GPR176: variants seen among roughly 807,000 people sequenced by gnomAD.
GPR176 encodes G-protein coupled receptor 176.
GPR176 carries 26 observed loss-of-function variants against 35.4 expected under a neutral mutation model. That is an observed-to-expected ratio of 0.74 (90% CI 0.54 to 1.02). GPR176 has a LOEUF of 1.02. Among genes scored for constraint, GPR176 ranks in the 50% least tolerant of loss-of-function variants. GPR176 has a pLI of 0.00. For missense variants in GPR176, 597 were observed against 665.3 expected, an observed-to-expected ratio of 0.90 and a Z score of 1.13; for synonymous variants, 278 against 271.3, an observed-to-expected ratio of 1.02 and a Z score of -0.24.
At chr15:39,802,327 G>T in intron 2 of GPR176, 73 bp from the exon 3 acceptor site, 1 of 1,160,732 alleles carries the variant, frequency 8.6e-7, no homozygotes, top group Non-Finnish European at 1.2e-6. Flanking sequence ...ATCACCAAAA[G>T]TAGATGAGAG....
At chr15:39,893,095 CT>C (rs78705672) in intron 1 of GPR176, among the ~76,000 whole-genome samples, 23,047 of 150,264 alleles carry the variant, frequency 0.15, 1,936 homozygotes, top group Middle Eastern at 0.32. Flanking sequence ...CTCTAACTCT[CT>C]TTTTTTTTTA....
At chr15:39,813,806 C>T (rs1057500707) in intron 1 of GPR176, among the ~76,000 whole-genome samples, 1 of 152,020 alleles carries the variant, frequency 6.6e-6, no homozygotes, top group African/African-American at 2.4e-5. Context: ...TAAACTGTTT[C>T]CAATATTTCA....
intron 1 of GPR176, among the ~76,000 whole-genome samples, chr15:39,840,238 T>A (rs1006451965): frequency 1.3e-5 from 2 of 152,094 alleles, no homozygotes; most frequent in Non-Finnish European, 2.9e-5. Flanking sequence ...AACCCAAATG[T>A]CCATCAATGA....
intron 1 of GPR176, among the ~76,000 whole-genome samples, chr15:39,861,155 G>A (rs1005015693): frequency 6.6e-6 from 1 of 152,116 alleles, no homozygotes; most frequent in Non-Finnish European, 1.5e-5. Flanking sequence ...CAATATGACA[G>A]CTAGCAAAGT....
At chr15:39,851,101 G>A (rs1235082245) in intron 1 of GPR176, among the ~76,000 whole-genome samples, 3 of 152,156 alleles carry the variant, frequency 2.0e-5, no homozygotes, top group Non-Finnish European at 4.4e-5. Context: ...GACAGATAAT[G>A]CCATCATTTA....
intron 1 of GPR176, among the ~76,000 whole-genome samples, chr15:39,897,334 A>G (rs2033143102): frequency 6.6e-6 from 1 of 152,244 alleles, no homozygotes; most frequent in Admixed American, 6.5e-5. Flanking sequence ...TGTTCCTGAA[A>G]GCAAGGGCAT....
At chr15:39,891,278 T>G (rs575850597) in intron 1 of GPR176, among the ~76,000 whole-genome samples, 12 of 152,322 alleles carry the variant, frequency 7.9e-5, no homozygotes, top group Admixed American at 7.8e-4. Context: ...AAAATCAAAG[T>G]ATATGATTCT....
intron 1 of GPR176, among the ~76,000 whole-genome samples, chr15:39,883,245 G>GT (rs2032547817): frequency 6.6e-6 from 1 of 151,570 alleles, no homozygotes; most frequent in African/African-American, 2.4e-5. Flanking sequence ...TTCTATTTTG[G>GT]TAAAATAATG....
intron 1 of GPR176, among the ~76,000 whole-genome samples, chr15:39,839,630 G>C (rs1901621171): frequency 6.6e-6 from 1 of 152,096 alleles, no homozygotes; most frequent in Non-Finnish European, 1.5e-5. Flanking sequence ...TGACAAATGG[G>C]ATCTAATTAA....
intron 1 of GPR176, among the ~76,000 whole-genome samples, chr15:39,902,916 A>C (rs1487777416): frequency 6.6e-6 from 1 of 152,204 alleles, no homozygotes. Flanking sequence ...GTCACTCCTA[A>C]TACAAGGCAC....
chr15:39,908,499 T>C (rs1480796026), intron 1 of GPR176, among the ~76,000 whole-genome samples: 1 of 152,220 alleles, frequency 6.6e-6, no homozygotes, highest in Non-Finnish European at 1.5e-5. Context: ...GTCAGGATAT[T>C]TGTGTGACAG....
chr15:39,878,094 A>C (rs2032320762), intron 1 of GPR176, among the ~76,000 whole-genome samples: 1 of 45,788 alleles, frequency 2.2e-5, no homozygotes, highest in Non-Finnish European at 6.3e-5. Context: ...TCCCATAGTT[A>C]CCTGTGTGTG....
intron 1 of GPR176, chr15:39,909,836 G>A (rs2033530429): frequency 4.9e-6 from 4 of 811,734 alleles, no homozygotes; most frequent in Non-Finnish European, 6.0e-6. Flanking sequence ...CATAATAACT[G>A]TAAATTTGGT....
chr15:39,878,867 G>A (rs1245542201), intron 1 of GPR176, among the ~76,000 whole-genome samples: 1 of 152,252 alleles, frequency 6.6e-6, no homozygotes, highest in Non-Finnish European at 1.5e-5. Context: ...GACAGTCAGG[G>A]AGGGGTGGCT....
chr15:39,837,737 T>A (rs1901490226), intron 1 of GPR176, among the ~76,000 whole-genome samples: 1 of 152,096 alleles, frequency 6.6e-6, no homozygotes, highest in Non-Finnish European at 1.5e-5. Context: ...AAGGCCCTCA[T>A]AAGATCATAA....
intron 2 of GPR176, among the ~76,000 whole-genome samples, chr15:39,804,325 T>G (rs1595431112): frequency 6.6e-6 from 1 of 152,224 alleles, no homozygotes; most frequent in East Asian, 1.9e-4. Flanking sequence ...AAAGACTGTC[T>G]TCTCTTCTTC....
intron 1 of GPR176, among the ~76,000 whole-genome samples, chr15:39,907,953 C>A (rs537236041): frequency 6.6e-6 from 1 of 152,230 alleles, no homozygotes; most frequent in African/African-American, 2.4e-5. Flanking sequence ...CCACTGCACT[C>A]CAGCCTAGGT....
intron 1 of GPR176, among the ~76,000 whole-genome samples, chr15:39,845,126 T>C (rs930580053): frequency 2.0e-5 from 3 of 152,010 alleles, no homozygotes; most frequent in African/African-American, 7.2e-5. Context: ...CAGCACTCAC[T>C]GAGAGGCTAT....
At chr15:39,842,579 A>AG (rs1476151536) in intron 1 of GPR176, among the ~76,000 whole-genome samples, 2 of 152,058 alleles carry the variant, frequency 1.3e-5, no homozygotes, top group Non-Finnish European at 2.9e-5. Context: ...TAGTACTCTT[A>AG]TAAAAAGAAG....
Sources: allele counts gnomAD v4.1 joint callset (sites outside exome capture counted in the v4.1 genomes callset), GRCh38; gene constraint gnomAD v4.1.1; transcripts MANE v1.5; gene names NCBI Gene and HGNC (gene_info 2026-07-23, HGNC 2026-07-21).